The following CFAP44 variants were observed in gnomAD, a reference collection of about 807,000 sequenced individuals.
The protein encoded by CFAP44 is cilia- and flagella-associated protein 44.
CFAP44 carries 134 observed loss-of-function variants against 216.2 expected under a neutral mutation model. The ratio of observed to expected loss-of-function variants is 0.62; its 90% CI spans 0.54 to 0.72. The LOEUF is 0.72. Ranked by LOEUF, CFAP44 falls within the 30% of genes least tolerant of loss-of-function variation. The probability of loss-of-function intolerance (pLI) is 0.00; values close to 1 mark genes in which losing one functional copy is unlikely to be tolerated. For missense variants in CFAP44, 2,035 were observed against 2,182.1 expected, an observed-to-expected ratio of 0.93 and a Z score of 1.34; for synonymous variants, 700 against 727.6, an observed-to-expected ratio of 0.96 and a Z score of 0.61.
intron 28 of CFAP44, among the ~76,000 whole-genome samples, chr3:113,317,238 A>C (rs1304408832): frequency 6.6e-6 from 1 of 152,218 alleles, no homozygotes; most frequent in Non-Finnish European, 1.5e-5. Context: ...CCCAGGGAGC[A>C]GGCAGAGACT....
Position 113,427,278 on chromosome 3 carries a change from C to T in CFAP44, c.162G>A (p.Gly54=). Residue 54 remains glycine, a synonymous_variant, in exon 3 of 35, where the codon GGG becomes GGA. Coordinates refer to ENST00000393845, the MANE Select transcript of CFAP44 (RefSeq NM_001164496.2). ...EDDTDETFTK[G]EGSYLEEDSD... ...AGTCTTCTTCTAAATATGATCCTTC[C>T]CCTTTGGTAAATGTTTCATCTGTGT... 1 of 1,613,112 alleles carries T rather than the reference C, an allele frequency of 6.2e-7. No individual in the cohort carries two copies.
At chr3:113,422,751 G>A (rs377377712) in intron 4 of CFAP44, among the ~76,000 whole-genome samples, 1 of 152,072 alleles carries the variant, frequency 6.6e-6, no homozygotes. Context: ...GCTAAAGCAT[G>A]TTAGTAGCTA....
intron 28 of CFAP44, among the ~76,000 whole-genome samples, chr3:113,321,505 T>C (rs1259724194): frequency 6.6e-6 from 1 of 152,154 alleles, no homozygotes; most frequent in Non-Finnish European, 1.5e-5. Context: ...AACAAAGTAC[T>C]GTAAGTCTTA....
chr3:113,394,491 C>G (rs989470264), intron 15 of CFAP44, among the ~76,000 whole-genome samples: 1 of 152,218 alleles, frequency 6.6e-6, no homozygotes, highest in African/African-American at 2.4e-5. Context: ...GTAGCTATCT[C>G]TTATTCATTT....
intron 7 of CFAP44, among the ~76,000 whole-genome samples, chr3:113,407,760 T>C (rs1438801453): frequency 6.6e-6 from 1 of 152,026 alleles, no homozygotes; most frequent in African/African-American, 2.4e-5. Flanking sequence ...AGAAGACCTA[T>C]CCAAGTAGAT....
At chr3:113,377,366 C>A (rs1247630102) in intron 17 of CFAP44, among the ~76,000 whole-genome samples, 1 of 152,120 alleles carries the variant, frequency 6.6e-6, no homozygotes, top group Non-Finnish European at 1.5e-5. Context: ...TATGTTTTAA[C>A]CTTGTTCACC....
At chr3:113,423,883 C>T (rs530698600) in intron 4 of CFAP44, among the ~76,000 whole-genome samples, 1 of 152,302 alleles carries the variant, frequency 6.6e-6, no homozygotes, top group East Asian at 1.9e-4. Context: ...AAGTGACATA[C>T]AGAAAACGAA....
chr3:113,404,468 T>C (rs1160693094), intron 8 of CFAP44, among the ~76,000 whole-genome samples: 6 of 152,164 alleles, frequency 3.9e-5, no homozygotes, highest in Non-Finnish European at 8.8e-5. Flanking sequence ...ATCTAAAACT[T>C]TTCTCAAATT....
intron 24 of CFAP44, among the ~76,000 whole-genome samples, chr3:113,337,786 T>G (rs1400783579): frequency 1.3e-5 from 2 of 152,126 alleles, no homozygotes; most frequent in African/African-American, 4.8e-5. Flanking sequence ...ATAACTTATT[T>G]AAAAATTAGC....
chr3:113,440,842 TTCTCC>T (rs1417951086), intron 1 of CFAP44, among the ~76,000 whole-genome samples: 1 of 152,150 alleles, frequency 6.6e-6, no homozygotes, highest in Non-Finnish European at 1.5e-5. Context: ...CTCCTTAGCC[TTCTCC>T]TCTCAAAGAT....
chr3:113,415,101 G>A (rs1934607994), intron 6 of CFAP44, among the ~76,000 whole-genome samples: 1 of 152,096 alleles, frequency 6.6e-6, no homozygotes, highest in South Asian at 2.1e-4. Flanking sequence ...TAGGGTGTAT[G>A]CATCCAGGAA....
chr3:113,364,030 CA>C (rs1187925000), intron 19 of CFAP44, among the ~76,000 whole-genome samples: 1 of 151,918 alleles, frequency 6.6e-6, no homozygotes, highest in Non-Finnish European at 1.5e-5. Context: ...GTGGAAAATG[CA>C]AAGAACAATA....
chr3:113,338,311 A>G (rs1950300182), intron 24 of CFAP44, among the ~76,000 whole-genome samples: 1 of 151,128 alleles, frequency 6.6e-6, no homozygotes, highest in African/African-American at 2.4e-5. Flanking sequence ...GGGAATGAAA[A>G]GACAAGCTAC....
rs71319364 is a variant in CFAP44 at position 113,317,903 on chromosome 3, G to A, written c.4516+8542C>T. ...AGGCACAGTGCCAGTGATTGGAGGG[G>A]GCTCCCCCAAGGCCCAGGAGTGGAC... On this transcript the variant is annotated intron_variant, in intron 28 of 34. Transcript: ENST00000393845. Among the ~76,000 whole-genome samples, 1,517 of 152,320 alleles carry A rather than the reference G, an allele frequency of 1.0e-2. 22 individuals are homozygous for A. The highest frequency in any genetic ancestry group is 0.018 in the Non-Finnish European group (1,212 of 68,024).
intron 6 of CFAP44, among the ~76,000 whole-genome samples, chr3:113,410,830 G>A (rs557077953): frequency 6.6e-6 from 1 of 151,198 alleles, no homozygotes; most frequent in South Asian, 2.1e-4. Context: ...ACTTTTTAAT[G>A]ATCACCATTC....
chr3:113,289,735 G>A lies in CFAP44; in HGVS notation c.*1822C>T, dbSNP rs1011025915. On this transcript the variant is annotated 3_prime_UTR_variant, in exon 35 of 35. Coordinates refer to ENST00000393845, the MANE Select transcript of CFAP44 (RefSeq NM_001164496.2). Reference sequence around the variant, plus strand: ...GACGCTATGTCACTTCTGAGCTTGGGCTGTAAAAGACTGTGGCTCTTGTAT... The same window carrying A: ...GACGCTATGTCACTTCTGAGCTTGGACTGTAAAAGACTGTGGCTCTTGTAT... 6 of 152,278 alleles carry A rather than the reference G, an allele frequency of 3.9e-5. No individual in the cohort carries two copies. Among genetic ancestry groups the A allele is most frequent in the African/African-American group, 1.4e-4 (6 of 41,458 alleles). 9.4% of individuals were successfully genotyped at this position (152,278 alleles called of 1,614,324 possible).
Position 113,296,789 on chromosome 3 carries a change from T to A in CFAP44, c.5174A>T (p.Glu1725Val), listed in dbSNP as rs1481033374. 1.3e-6 allele frequency: 2 copies of A among 1,537,794 alleles called. No homozygotes were observed. The highest frequency in any genetic ancestry group is 3.9e-5 in the Admixed American group (2 of 51,010). ...LQTLSVNTTL[E>V]ELKIRKLRKE... ...TCGAAGTTTTCTGATCTTCAGTTCT[T>A]CAAGTGTTGTATTAACAGAAAGCGT... The change falls in exon 33 of 35, where the codon GAA (glutamate) becomes GTA (valine). Residue 1725 changes from glutamate to valine, a missense_variant. Physicochemically the swap from Glu to Val is moderately radical, Grantham distance 121 (BLOSUM62 -2). Coordinates refer to ENST00000393845, the MANE Select transcript of CFAP44 (RefSeq NM_001164496.2).
intron 4 of CFAP44, among the ~76,000 whole-genome samples, chr3:113,425,604 T>C (rs1219447008): frequency 6.6e-6 from 1 of 152,222 alleles, no homozygotes; most frequent in Non-Finnish European, 1.5e-5. Flanking sequence ...CATAAGTGTT[T>C]CAAGAAGGGA....
At chr3:113,391,667 A>G (rs1559933396) in intron 15 of CFAP44, among the ~76,000 whole-genome samples, 1 of 152,186 alleles carries the variant, frequency 6.6e-6, no homozygotes, top group Non-Finnish European at 1.5e-5. Flanking sequence ...CAAGGAATTA[A>G]TAACCAGAAT....
Sources: allele counts gnomAD v4.1 joint callset (sites outside exome capture counted in the v4.1 genomes callset), GRCh38; gene constraint gnomAD v4.1.1; transcripts MANE v1.5; gene names NCBI Gene and HGNC (gene_info 2026-07-23, HGNC 2026-07-21).